HERC1: variants seen among roughly 807,000 people sequenced by gnomAD.
HERC1 encodes the protein probable E3 ubiquitin-protein ligase HERC1.
A neutral mutation model predicts 554.3 loss-of-function variants in HERC1; 160 were observed. That is an observed-to-expected ratio of 0.29 (90% CI 0.25 to 0.33). The LOEUF is 0.33. Among genes scored for constraint, HERC1 ranks in the 10% least tolerant of loss-of-function variants. The pLI is 1.00. For synonymous variants in HERC1, 2,175 were observed against 2,131.7 expected (o/e 1.02, Z -0.56); for missense variants, 4,919 against 5,918.5 (o/e 0.83, Z 5.54).
chr15:63,641,532 A>G lies in HERC1; in HGVS notation c.11545T>C (p.Cys3849Arg). The G allele has an allele frequency of 1.2e-6, 2 of 1,613,446 alleles. No individual in the cohort carries two copies. Among genetic ancestry groups the G allele is most frequent in the Non-Finnish European group, 1.7e-6 (2 of 1,179,636 alleles). Residue 3849 changes from cysteine to arginine, a missense_variant, in exon 60 of 78, where the codon TGC (cysteine) becomes CGC (arginine). By Grantham distance (180) the Cys-to-Arg change is radical. Coordinates refer to ENST00000443617, the MANE Select transcript of HERC1 (RefSeq NM_003922.4). ...QGVLGLNMAP[C>R]MRAFLERLPM... ...AGCCGCTCCAAAAATGCTCTCATGCAGGGAGCCATGTTCAATCCCAGAACA... is the reference window on the plus strand; with the variant it reads ...AGCCGCTCCAAAAATGCTCTCATGCGGGGAGCCATGTTCAATCCCAGAACA...
intron 25 of HERC1, 60 bp downstream of exon 25, chr15:63,706,715 CTTTTT>C: frequency 7.3e-6 from 5 of 684,920 alleles, no homozygotes; most frequent in Non-Finnish European, 9.1e-6. Flanking sequence ...TTACTATGCT[CTTTTT>C]TTTTTTTTGA....
At chr15:63,688,917 G>T (rs1216243757) in intron 33 of HERC1, among the ~76,000 whole-genome samples, 1 of 152,124 alleles carries the variant, frequency 6.6e-6, no homozygotes, top group Non-Finnish European at 1.5e-5. Context: ...AGACACCCAG[G>T]CTAGCATTTA....
Position 63,648,159 on chromosome 15 carries a change from T to C in HERC1, c.10788A>G (p.Pro3596=), listed in dbSNP as rs561775702. The change falls in exon 55 of 78, where the codon CCA becomes CCG. Residue 3596 remains proline (P), a synonymous_variant. Coordinates refer to ENST00000443617, the MANE Select transcript of HERC1 (RefSeq NM_003922.4). ...TCIAWFSEDR[P]FAVGYFDGKL... is the part of the protein sequence containing the mutation. ...TTCCATCAAAATATCCCACTGCAAA[T>C]GGTCTGTCTTCACTGAACCATGCAA... The C allele has an allele frequency of 3.7e-6, 6 of 1,600,954 alleles. No individual in the cohort carries two copies. Among genetic ancestry groups the C allele is most frequent in the Non-Finnish European group, 4.3e-6 (5 of 1,172,740 alleles).
rs374141345 is a variant in HERC1 at position 63,694,387 on chromosome 15, G to T, written c.5405C>A (p.Thr1802Lys). 1 of 1,613,942 alleles carries T rather than the reference G, an allele frequency of 6.2e-7. No homozygotes were observed. The highest frequency in any genetic ancestry group is 8.5e-7 in the Non-Finnish European group (1 of 1,179,880). ...LGQPLQLLPK[T>K]GVSQLSTALK... ...AGCTGTGCTAAGCTGGGAAACACCCGTCTTTGGCAACAACTGCAGGGGCTG... is the reference window on the plus strand; with the variant it reads ...AGCTGTGCTAAGCTGGGAAACACCCTTCTTTGGCAACAACTGCAGGGGCTG... The change falls in exon 29 of 78, where the codon ACG becomes AAG. Residue 1802 changes from threonine (T) to lysine (K), a missense_variant. By Grantham distance (78) the Thr-to-Lys change is moderately conservative (BLOSUM62 -1). Transcript: ENST00000443617. This position sits in a 1 kb window ranked among gnomAD's most constrained non-coding sequence, Gnocchi z 4.3.
In HERC1 at chr15:63,628,752, T is replaced by A. The variant is rs1342939531; in HGVS notation, c.13030A>T (p.Asn4344Tyr). The change falls in exon 70 of 78, where the codon AAT (asparagine) becomes TAT (tyrosine). Residue 4344 changes from asparagine to tyrosine, a missense_variant. By Grantham distance (143) the Asn-to-Tyr change is moderately radical. Coordinates refer to ENST00000443617, the MANE Select transcript of HERC1 (RefSeq NM_003922.4). The stretch of plus-strand genomic sequence containing the variant: ...CGGCCAGCCGAGATCTGCCGAACAT[T>A]TTTCCCTTGCAGACCTGTTACCAGG... ...PTLVTGLQGK[N>Y]VRQISAGRCH... is the part of the protein sequence containing the mutation. 1.9e-6 allele frequency: 3 copies of A among 1,613,876 alleles called. No individual in the cohort carries two copies. Among genetic ancestry groups the A allele is most frequent in the Non-Finnish European group, 2.5e-6 (3 of 1,179,904 alleles).
intron 1 of HERC1, among the ~76,000 whole-genome samples, chr15:63,790,937 A>C (rs564197558): frequency 5.9e-5 from 9 of 152,298 alleles, no homozygotes; most frequent in African/African-American, 1.7e-4. Flanking sequence ...GGGTATATAA[A>C]AACTGAAAGA....
chr15:63,622,080 G>C (rs952885178), intron 74 of HERC1, among the ~76,000 whole-genome samples: 5 of 152,104 alleles, frequency 3.3e-5, no homozygotes, highest in African/African-American at 1.2e-4. Context: ...CATGAAACAG[G>C]ATCCAAAATT....
Position 63,633,941 on chromosome 15 carries a change from T to C in HERC1, c.12600A>G (p.Ala4200=). 1 of 1,613,950 alleles carries C rather than the reference T, an allele frequency of 6.2e-7. No individual in the cohort carries two copies. Among genetic ancestry groups the C allele is most frequent in the Non-Finnish European group, 8.5e-7 (1 of 1,179,840 alleles). Residue 4200 remains alanine, a synonymous_variant, in exon 67 of 78, where the codon GCA becomes GCG. Coordinates refer to ENST00000443617, the MANE Select transcript of HERC1 (RefSeq NM_003922.4). The stretch of plus-strand genomic sequence containing the variant: ...ACACCATGGAACCATCTGCTGACAC[T>C]GCCAAAGTGTGGTTTAATCCACAGG... The part of the protein sequence containing the change: ...QVACGLNHTL[A]VSADGSMVWA...
At chr15:63,819,204 C>G (rs2077600115) in intron 1 of HERC1, among the ~76,000 whole-genome samples, 2 of 151,980 alleles carry the variant, frequency 1.3e-5, no homozygotes, top group African/African-American at 4.8e-5. Context: ...GAACCAGAAC[C>G]AGTTCATTTC....
chr15:63,648,086 G>T lies in HERC1; in HGVS notation c.10861C>A (p.Leu3621Ile). 1 of 1,558,904 alleles carries T rather than the reference G, an allele frequency of 6.4e-7. No homozygotes were observed. The highest frequency in any genetic ancestry group is 1.2e-5 in the South Asian group (1 of 84,596). ...KEPLEKGGIV[L>I]IDAHKDTLIS... Reference sequence around the variant, plus strand: ...GCATTTACCTTATGTGCATCAATTAGAACAATGCCTCCTTTCTCAAGTGGT... The same window carrying T: ...GCATTTACCTTATGTGCATCAATTATAACAATGCCTCCTTTCTCAAGTGGT... Residue 3621 changes from leucine (L) to isoleucine (I), a missense_variant, in exon 55 of 78, where the codon CTA becomes ATA. Coordinates refer to ENST00000443617, the MANE Select transcript of HERC1 (RefSeq NM_003922.4).
rs1459052655 is a variant in HERC1, at chr15:63,718,019, G to A, written c.3978+555C>T. On this transcript the variant is annotated intron_variant, in intron 21 of 77. Coordinates refer to ENST00000443617, the MANE Select transcript of HERC1 (RefSeq NM_003922.4). The surrounding 1 kb of genome is among the most constrained non-coding windows in gnomAD (Gnocchi z 4.2). ...GTCCTAGTTGTGTCCTCCGGAACAA[G>A]GAAAACATTTATTTCCTCTCTTACA... Among the ~76,000 whole-genome samples, 1 of 149,884 alleles carries A rather than the reference G, an allele frequency of 6.7e-6. No individual in the cohort carries two copies. The highest frequency in any genetic ancestry group is 6.7e-5 in the Admixed American group (1 of 14,984).
Position 63,615,791 on chromosome 15 carries a change from G to A in HERC1, c.14071C>T (p.Arg4691Ter), listed in dbSNP as rs951302383. The A allele has an allele frequency of 1.3e-6, 2 of 1,598,204 alleles. No homozygotes were observed. The highest frequency in any genetic ancestry group is 1.4e-5 in the African/African-American group (1 of 74,008). ...ACCTGTCTGTCCATCTCATGAAGTC[G>A]ATATTCAATGGCCCTCTCCACATAT... ...KEYVERAIEYRLHEMDRQVAA... is the reference protein window; with the variant it reads ...KEYVERAIEY Residue 4691 changes from arginine to a stop codon, truncating the protein, a stop_gained, in exon 76 of 78, where the codon CGA becomes TGA. Coordinates refer to ENST00000443617, the MANE Select transcript of HERC1 (RefSeq NM_003922.4). LOFTEE classifies it high-confidence loss of function.
intron 1 of HERC1, among the ~76,000 whole-genome samples, chr15:63,814,820 G>A (rs565139400): frequency 5.3e-5 from 8 of 152,304 alleles, no homozygotes; most frequent in African/African-American, 1.2e-4. Flanking sequence ...CAGCTCTGCT[G>A]TGGAAAATAT....
intron 1 of HERC1, among the ~76,000 whole-genome samples, chr15:63,797,402 T>A (rs1057148167): frequency 1.3e-5 from 2 of 152,200 alleles, no homozygotes; most frequent in Non-Finnish European, 2.9e-5. Context: ...TATAATAGAA[T>A]CTAAGATTGG....
chr15:63,675,160 G>A (rs1398787239), intron 37 of HERC1, 43 bp from the exon 38 acceptor site: 4 of 1,495,750 alleles, frequency 2.7e-6, no homozygotes, highest in Middle Eastern at 3.6e-4. Context: ...GCAAGTGAGG[G>A]AAAGACGGGA....
intron 12 of HERC1, among the ~76,000 whole-genome samples, chr15:63,737,572 G>C (rs1436239817): frequency 7.8e-6 from 1 of 128,792 alleles, no homozygotes; most frequent in African/African-American, 2.8e-5. Context: ...AGTAGAGAAG[G>C]GGTTTTGCAT....
intron 42 of HERC1, 82 bp from the exon 43 acceptor site, chr15:63,664,676 A>G: frequency 1.7e-6 from 2 of 1,191,464 alleles, no homozygotes; most frequent in Non-Finnish European, 2.4e-6. Context: ...TACTTGTAGT[A>G]CTACTTTATT....
At chr15:63,763,579 CT>C (rs368105722) in intron 3 of HERC1, among the ~76,000 whole-genome samples, 5,883 of 141,418 alleles carry the variant, frequency 0.042, 108 homozygotes, top group Non-Finnish European at 0.063. Context: ...AAAGACTTTC[CT>C]TTTTTTTTTT....
intron 1 of HERC1, among the ~76,000 whole-genome samples, chr15:63,806,593 T>G (rs1026655228): frequency 1.3e-5 from 2 of 152,218 alleles, no homozygotes; most frequent in Admixed American, 1.3e-4. Context: ...TTTCAGCCAC[T>G]GGCACCCTAG....
Sources: gnomAD v4.1 joint callset for allele counts (sites outside exome capture counted in the v4.1 genomes callset) on GRCh38, gnomAD v4.1.1 for gene constraint, Gnocchi (gnomAD v3.1) non-coding constraint, MANE v1.5 for transcripts, NCBI Gene and HGNC (gene_info 2026-07-23, HGNC 2026-07-21) for gene names.